The following ZSWIM6 variants were observed in gnomAD, a reference collection of about 807,000 sequenced individuals.
ZSWIM6 encodes zinc finger SWIM-type containing 6.
Under a neutral mutation model 113.2 loss-of-function variants are expected in ZSWIM6, and 9 were observed. The ratio of observed to expected loss-of-function variants is 0.08; its 90% CI spans 0.05 to 0.14. The LOEUF (loss-of-function observed/expected upper bound fraction) is 0.14. ZSWIM6 is among the 10% of genes least tolerant of loss of function. The pLI, the probability that ZSWIM6 is intolerant of heterozygous loss-of-function variation, is 1.00. For synonymous variants in ZSWIM6, 611 were observed against 606.5 expected, an observed-to-expected ratio of 1.01 and a Z score of -0.11; for missense variants, 1,162 against 1,552.2, an observed-to-expected ratio of 0.75 and a Z score of 4.22.
chr5:61,470,258 G>C (rs570478841), intron 1 of ZSWIM6, among the ~76,000 whole-genome samples: 23 of 152,290 alleles, frequency 1.5e-4, no homozygotes, highest in African/African-American at 5.5e-4. Flanking sequence ...TTTATAAATG[G>C]TCAGTTTAGG....
chr5:61,493,101 A>G (rs183948068), intron 3 of ZSWIM6, among the ~76,000 whole-genome samples: 4 of 152,264 alleles, frequency 2.6e-5, no homozygotes, highest in African/African-American at 4.8e-5. Flanking sequence ...GAAATGTAGC[A>G]TAAGAGTAAT....
chr5:61,534,268 A>G (rs183343871), intron 9 of ZSWIM6, among the ~76,000 whole-genome samples: 6 of 152,364 alleles, frequency 3.9e-5, no homozygotes, highest in African/African-American at 1.4e-4. Flanking sequence ...TTAGAGATTT[A>G]GATGTTAGTT....
intron 1 of ZSWIM6, among the ~76,000 whole-genome samples, chr5:61,398,924 T>G (rs1229145104): frequency 1.5e-5 from 2 of 137,720 alleles, no homozygotes; most frequent in African/African-American, 5.4e-5. Context: ...TTTTTTTTTT[T>G]TTTTTTTTTT....
At chr5:61,378,575 G>A (rs1745416646) in intron 1 of ZSWIM6, among the ~76,000 whole-genome samples, 1 of 150,558 alleles carries the variant, frequency 6.6e-6, no homozygotes, top group African/African-American at 2.4e-5. Flanking sequence ...TTTTTTTTGA[G>A]ACAGGGTTTT....
At chr5:61,446,928 C>A (rs746216037) in intron 1 of ZSWIM6, among the ~76,000 whole-genome samples, 17 of 152,196 alleles carry the variant, frequency 1.1e-4, no homozygotes, top group Non-Finnish European at 2.1e-4. Context: ...ACTCACTGGT[C>A]TACACACATG....
chr5:61,523,417 A>C lies in ZSWIM6; in HGVS notation c.1513+1975A>C, dbSNP rs111249238. On this transcript the variant is annotated intron_variant, in intron 5 of 13. Transcript: ENST00000252744. ...CATTGCAATCTATACCCTTTGAAAGAGAATAATTTTTTAATATACCAAAAG... is the reference window on the plus strand; with the variant it reads ...CATTGCAATCTATACCCTTTGAAAGCGAATAATTTTTTAATATACCAAAAG... Among the ~76,000 whole-genome samples the C allele has an allele frequency of 2.6e-4, 40 of 152,368 alleles. 1 individual carries two copies. Among genetic ancestry groups the C allele is most frequent in the African/African-American group, 9.6e-4 (40 of 41,594 alleles).
chr5:61,336,205 G>A (rs987332641), intron 1 of ZSWIM6, among the ~76,000 whole-genome samples: 2 of 151,994 alleles, frequency 1.3e-5, no homozygotes, highest in Middle Eastern at 3.4e-3. Context: ...CAGAGGTTGC[G>A]GTGAGCTAAG....
chr5:61,440,767 T>C (rs1012604958), intron 1 of ZSWIM6, among the ~76,000 whole-genome samples: 2 of 152,200 alleles, frequency 1.3e-5, no homozygotes, highest in Admixed American at 1.3e-4. Flanking sequence ...TTTTCTGTTC[T>C]ATTCAACCAA....
At chr5:61,391,024 A>C in intron 1 of ZSWIM6, 2 of 749,200 alleles carry the variant, frequency 2.7e-6, no homozygotes, top group South Asian at 1.4e-5. Flanking sequence ...GATCTTATAG[A>C]TCTTGTTGAT....
intron 1 of ZSWIM6, among the ~76,000 whole-genome samples, chr5:61,417,387 A>AT (rs901514665): frequency 6.6e-6 from 1 of 152,182 alleles, no homozygotes; most frequent in African/African-American, 2.4e-5. Context: ...TTCAAAGTGG[A>AT]TTTTTTTAGT....
At chr5:61,437,936 T>C (rs1746744513) in intron 1 of ZSWIM6, among the ~76,000 whole-genome samples, 1 of 152,080 alleles carries the variant, frequency 6.6e-6, no homozygotes, top group South Asian at 2.1e-4. Context: ...TGTTTATTGT[T>C]AATCTAGTAT....
intron 7 of ZSWIM6, 105 bp downstream of exon 7, chr5:61,526,501 G>T: frequency 2.3e-6 from 3 of 1,285,760 alleles, no homozygotes; most frequent in Non-Finnish European, 3.2e-6. Context: ...AACCATAGAT[G>T]ATGGCTTTAC....
At chr5:61,421,502 A>T (rs527812136) in intron 1 of ZSWIM6, among the ~76,000 whole-genome samples, 2 of 152,262 alleles carry the variant, frequency 1.3e-5, no homozygotes, top group African/African-American at 4.8e-5. Flanking sequence ...AAAAAATTTT[A>T]GGTTCAGGGG....
chr5:61,389,766 G>A (rs1318243791), intron 1 of ZSWIM6, among the ~76,000 whole-genome samples: 3 of 152,164 alleles, frequency 2.0e-5, no homozygotes, highest in Non-Finnish European at 4.4e-5. Context: ...GCAACTGTCA[G>A]TGTTGTCAGT....
At chr5:61,356,751 ATT>A (rs1491175114) in intron 1 of ZSWIM6, among the ~76,000 whole-genome samples, 15 of 139,358 alleles carry the variant, frequency 1.1e-4, no homozygotes, top group Admixed American at 2.3e-4. Context: ...ATATATATAT[ATT>A]ATATATAATA....
At position 61,473,062 on chromosome 5, in the gene ZSWIM6, A is replaced by C. The variant is rs567647763; in HGVS notation, c.1033+25A>C. 4 of 1,345,802 alleles carry C rather than the reference A, an allele frequency of 3.0e-6. No homozygotes were observed. The South Asian group carries it at 6.9e-5, about 23-fold the overall frequency. 83.4% of individuals were successfully genotyped at this position (1,345,802 alleles called of 1,614,324 possible). ...GGTGAGTATAGACATTGACTCTTTAAATTTCCTCTCTGGATCCTTTTTCAC... is the reference window on the plus strand; with the variant it reads ...GGTGAGTATAGACATTGACTCTTTACATTTCCTCTCTGGATCCTTTTTCAC... On this transcript the variant is annotated intron_variant, in intron 2 of 13. Transcript: ENST00000252744.
chr5:61,363,485 ATC>A (rs1745075945), intron 1 of ZSWIM6, among the ~76,000 whole-genome samples: 2 of 152,220 alleles, frequency 1.3e-5, no homozygotes, highest in Non-Finnish European at 2.9e-5. Flanking sequence ...GTTCTCGGCA[ATC>A]TCATCTCTGA....
intron 2 of ZSWIM6, among the ~76,000 whole-genome samples, chr5:61,480,856 T>C (rs960638068): frequency 6.6e-6 from 1 of 152,166 alleles, no homozygotes; most frequent in African/African-American, 2.4e-5. Context: ...CCAAGGCCTT[T>C]GTAAGCCACC....
rs907300659 is a variant in ZSWIM6 at position 61,490,907 on chromosome 5, G to A, written c.1155G>A (p.Gly385=). Residue 385 remains glycine, a synonymous_variant, in exon 3 of 14, where the codon GGG becomes GGA. Transcript: ENST00000252744. The part of the protein sequence containing the change: ...FLSQGGYHGS[G]KQLNLLFAKV... ...CCCAGGGCGGGTACCACGGATCAGG[G>A]AAGCAGCTTAATTTGCTCTTTGCAA... is the stretch of plus-strand genomic sequence containing the variant. 6.5e-7 allele frequency: 1 copy of A among 1,535,980 alleles called. No homozygotes were observed. The highest frequency in any genetic ancestry group is 1.4e-5 in the African/African-American group (1 of 71,840).
Sources: gnomAD v4.1 joint callset for allele counts (sites outside exome capture counted in the v4.1 genomes callset) on GRCh38, gnomAD v4.1.1 for gene constraint, MANE v1.5 for transcripts, NCBI Gene and HGNC (gene_info 2026-07-23, HGNC 2026-07-21) for gene names.